The following ME3 variants were observed in gnomAD, a reference collection of about 807,000 sequenced individuals.
ME3 encodes malic enzyme 3, also known as NADP-dependent malic enzyme, mitochondrial.
A neutral mutation model predicts 68.9 loss-of-function variants in ME3; 48 were observed. That is an observed-to-expected ratio of 0.70 (90% CI 0.55 to 0.89). The LOEUF (loss-of-function observed/expected upper bound fraction) is 0.89, where lower values mean the gene tolerates loss of function less well. Ranked by LOEUF, ME3 falls within the 40% of genes least tolerant of loss-of-function variation. ME3 has a pLI of 0.00. For synonymous variants in ME3, 320 were observed against 318.8 expected (o/e 1.00, Z -0.04); for missense variants, 675 against 797.4 (o/e 0.85, Z 1.85).
At chr11:86,610,346 C>T (rs1942470271) in intron 2 of ME3, among the ~76,000 whole-genome samples, 1 of 151,990 alleles carries the variant, frequency 6.6e-6, no homozygotes, top group Non-Finnish European at 1.5e-5. Context: ...AAGTGATCTG[C>T]AAGCAGAAAC....
chr11:86,460,465 G>A (rs1055990979), intron 8 of ME3, among the ~76,000 whole-genome samples: 2 of 152,170 alleles, frequency 1.3e-5, no homozygotes, highest in African/African-American at 2.4e-5. Flanking sequence ...TCAGTAGAGT[G>A]GGGCTCCCGA....
At chr11:86,542,389 A>G in intron 4 of ME3, among the ~76,000 whole-genome samples, 1 of 152,236 alleles carries the variant, frequency 6.6e-6, no homozygotes, top group Admixed American at 6.5e-5. Context: ...AACCCAATGC[A>G]AGGAAGCTAA....
At chr11:86,467,452 C>T (rs1950538083) in intron 7 of ME3, among the ~76,000 whole-genome samples, 1 of 151,966 alleles carries the variant, frequency 6.6e-6, no homozygotes, top group African/African-American at 2.4e-5. Context: ...GCTCACCAAG[C>T]CAAAATTTAT....
At chr11:86,646,165 C>G (rs1945000985) in intron 2 of ME3, among the ~76,000 whole-genome samples, 1 of 152,208 alleles carries the variant, frequency 6.6e-6, no homozygotes, top group South Asian at 2.1e-4. Flanking sequence ...GATCACAACT[C>G]TTTGCCAGCA....
intron 2 of ME3, among the ~76,000 whole-genome samples, chr11:86,651,104 A>G (rs1945385892): frequency 6.6e-6 from 1 of 152,214 alleles, no homozygotes; most frequent in Admixed American, 6.5e-5. Context: ...GGGAAGCTCA[A>G]ACTGGGTGGA....
At chr11:86,497,464 C>T (rs898289249) in intron 6 of ME3, among the ~76,000 whole-genome samples, 1 of 152,204 alleles carries the variant, frequency 6.6e-6, no homozygotes, top group Non-Finnish European at 1.5e-5. Context: ...GCCAGGACTC[C>T]TGCAGCTGGA....
chr11:86,484,191 G>A (rs1951567126), intron 7 of ME3, among the ~76,000 whole-genome samples: 1 of 152,166 alleles, frequency 6.6e-6, no homozygotes, highest in Admixed American at 6.6e-5. Flanking sequence ...GTGGGTAGGG[G>A]TAGGAAGGTG....
At chr11:86,556,440 A>G in intron 4 of ME3, 113 bp downstream of exon 4, 1 of 1,295,580 alleles carries the variant, frequency 7.7e-7, no homozygotes, top group Non-Finnish European at 1.0e-6. Context: ...TTGTTGGACC[A>G]CTGACCCAAT....
At chr11:86,537,175 C>T (rs4944590) in intron 4 of ME3, among the ~76,000 whole-genome samples, 149,238 of 149,242 alleles carry the variant, frequency 1, 74,617 homozygotes, top group Middle Eastern at 1. Flanking sequence ...TTGGGAGATA[C>T]ACCTAATGCT....
chr11:86,588,964 C>CT (rs1264627626), intron 2 of ME3, among the ~76,000 whole-genome samples: 1 of 152,154 alleles, frequency 6.6e-6, no homozygotes, highest in African/African-American at 2.4e-5. Context: ...CCTGCCCTCC[C>CT]TCACCTCCCA....
intron 2 of ME3, among the ~76,000 whole-genome samples, chr11:86,666,327 C>T (rs1946586398): frequency 6.6e-6 from 1 of 152,202 alleles, no homozygotes; most frequent in Non-Finnish European, 1.5e-5. Context: ...TCATCCTGGA[C>T]TTTGAAATGT....
intron 2 of ME3, among the ~76,000 whole-genome samples, chr11:86,599,008 G>C (rs1268335206): frequency 1.3e-5 from 2 of 152,162 alleles, no homozygotes; most frequent in East Asian, 3.8e-4. Flanking sequence ...GGAAAAAACA[G>C]AGCAGAAAAA....
intron 7 of ME3, among the ~76,000 whole-genome samples, chr11:86,477,197 A>G (rs572654842): frequency 3.9e-4 from 59 of 152,334 alleles, no homozygotes; most frequent in African/African-American, 1.4e-3. Context: ...ATAAGTGTTA[A>G]TAAGTAGCTT....
chr11:86,618,256 C>T (rs922013092), intron 2 of ME3, among the ~76,000 whole-genome samples: 5 of 131,410 alleles, frequency 3.8e-5, no homozygotes, highest in Non-Finnish European at 6.2e-5. Flanking sequence ...GCTGAGATTG[C>T]GCCACTGCAC....
chr11:86,467,662 TTCTCTCTCTCTC>T (rs57747402), intron 7 of ME3, among the ~76,000 whole-genome samples: 28 of 144,286 alleles, frequency 1.9e-4, no homozygotes, highest in Admixed American at 4.2e-4. Context: ...CTCTCTCTGT[TTCTCTCTCTCTC>T]TCTCTCTCTC....
chr11:86,553,094 C>T (rs1347837782), intron 4 of ME3, among the ~76,000 whole-genome samples: 3 of 152,168 alleles, frequency 2.0e-5, no homozygotes, highest in Non-Finnish European at 2.9e-5. Context: ...AAGCCAGGCT[C>T]ATGGAGGCGC....
intron 2 of ME3, among the ~76,000 whole-genome samples, chr11:86,584,265 T>C (rs1160008782): frequency 6.6e-6 from 1 of 152,068 alleles, no homozygotes; most frequent in Non-Finnish European, 1.5e-5. Context: ...CCACAATGTG[T>C]TATTACCTCA....
intron 2 of ME3, among the ~76,000 whole-genome samples, chr11:86,660,894 T>C (rs1946231731): frequency 6.6e-6 from 1 of 151,068 alleles, no homozygotes; most frequent in East Asian, 1.9e-4. Context: ...TTTTTGTGGC[T>C]TTCAAAATTC....
chr11:86,513,837 C>T (rs1042045107), intron 4 of ME3, among the ~76,000 whole-genome samples: 5 of 152,116 alleles, frequency 3.3e-5, no homozygotes, highest in Admixed American at 2.6e-4. Flanking sequence ...ATGACCTCAG[C>T]AATGTATTTA....
Sources: allele counts gnomAD v4.1 joint callset (sites outside exome capture counted in the v4.1 genomes callset), GRCh38; gene constraint gnomAD v4.1.1; transcripts MANE v1.5; gene names NCBI Gene and HGNC (gene_info 2026-07-23, HGNC 2026-07-21).